Variants in NDST4 observed in about 807,000 individuals in gnomAD.
NDST4 encodes N-heparan sulfate sulfotransferase 4.
In NDST4, 63 loss-of-function variants were observed where a neutral mutation model predicts 100.8. That is an observed-to-expected ratio of 0.62 (90% CI 0.51 to 0.77). The LOEUF is 0.77. Ranked by LOEUF, NDST4 falls within the 30% of genes least tolerant of loss-of-function variation. NDST4 has a pLI of 0.00. For synonymous variants in NDST4, 377 were observed against 361.8 expected, an observed-to-expected ratio of 1.04 and a Z score of -0.48; for missense variants, 943 against 1,018.4, an observed-to-expected ratio of 0.93 and a Z score of 1.01.
chr4:114,840,253 C>A (rs2126183614), intron 10 of NDST4, among the ~76,000 whole-genome samples: 1 of 152,254 alleles, frequency 6.6e-6, no homozygotes, highest in African/African-American at 2.4e-5. Flanking sequence ...CTGAGTCACA[C>A]CAAACTATCA....
At chr4:115,079,072 A>G (rs1729249231) in intron 1 of NDST4, among the ~76,000 whole-genome samples, 1 of 151,796 alleles carries the variant, frequency 6.6e-6, no homozygotes. Context: ...CTACATTACT[A>G]CAGGCACGGT....
chr4:114,912,778 T>G (rs943856574), intron 6 of NDST4, among the ~76,000 whole-genome samples: 51 of 152,262 alleles, frequency 3.3e-4, no homozygotes, highest in East Asian at 2.9e-3. Flanking sequence ...CTTCACTGTT[T>G]GGGTCATTAG....
chr4:115,084,090 C>T (rs879474276), intron 1 of NDST4, among the ~76,000 whole-genome samples: 10 of 152,064 alleles, frequency 6.6e-5, no homozygotes, highest in South Asian at 2.1e-4. Flanking sequence ...AGAGATTTGT[C>T]GAATAGCTTT....
chr4:114,862,008 T>C (rs1723928596), intron 7 of NDST4, among the ~76,000 whole-genome samples: 1 of 152,188 alleles, frequency 6.6e-6, no homozygotes, highest in African/African-American at 2.4e-5. Flanking sequence ...TTATAGTTAA[T>C]AGTAATTCTA....
chr4:115,101,776 T>C (rs1729734839), intron 1 of NDST4, among the ~76,000 whole-genome samples: 1 of 152,072 alleles, frequency 6.6e-6, no homozygotes, highest in South Asian at 2.1e-4. Flanking sequence ...AAAGAGTTAA[T>C]AGGAATACAA....
chr4:114,919,188 G>T, intron 6 of NDST4, among the ~76,000 whole-genome samples: 1 of 152,122 alleles, frequency 6.6e-6, no homozygotes, highest in East Asian at 1.9e-4. Context: ...TATGCCATCG[G>T]TCTCTTCCCT....
intron 4 of NDST4, among the ~76,000 whole-genome samples, chr4:114,948,187 C>T (rs968787219): frequency 3.0e-4 from 46 of 151,864 alleles, no homozygotes; most frequent in Admixed American, 2.8e-3. Context: ...GGCATTTTCC[C>T]AACTTAATGT....
At chr4:114,937,197 G>A in intron 5 of NDST4, 121 bp downstream of exon 5, 1 of 979,384 alleles carries the variant, frequency 1.0e-6, no homozygotes, top group South Asian at 1.5e-5. Flanking sequence ...AGATATGTTA[G>A]GTATTTCTGA....
At position 115,076,222 on chromosome 4, in the gene NDST4, C is replaced by G; in HGVS notation, c.815G>C (p.Gly272Ala). ...LHDGIQRVLF[G>A]NNLNFWLHKL... ...GTGCAGCCAAAAGTTCAAGTTGTTG[C>G]CAAAAAGTACTCTCTGAATTCCATC... is the stretch of plus-strand genomic sequence containing the variant. Residue 272 changes from glycine (G) to alanine (A), a missense_variant, in exon 2 of 14, where the codon GGC becomes GCC. By Grantham distance (60) the Gly-to-Ala change is moderately conservative. Coordinates refer to ENST00000264363, the MANE Select transcript of NDST4 (RefSeq NM_022569.3). The G allele has an allele frequency of 1.2e-6, 2 of 1,613,894 alleles. No individual in the cohort carries two copies. Among genetic ancestry groups the G allele is most frequent in the Non-Finnish European group, 1.7e-6 (2 of 1,179,928 alleles).
chr4:114,842,381 A>G (rs1481134537), intron 10 of NDST4, among the ~76,000 whole-genome samples: 1 of 152,020 alleles, frequency 6.6e-6, no homozygotes, highest in Non-Finnish European at 1.5e-5. Flanking sequence ...GTCTACATTC[A>G]TCCCCTCTTC....
At chr4:114,844,579 T>C (rs1578339171) in intron 10 of NDST4, among the ~76,000 whole-genome samples, 1 of 152,372 alleles carries the variant, frequency 6.6e-6, no homozygotes, top group Middle Eastern at 3.4e-3. Context: ...TAATTTATTT[T>C]CTTACACAAT....
intron 6 of NDST4, among the ~76,000 whole-genome samples, chr4:114,917,197 G>A (rs982218346): frequency 1.3e-4 from 20 of 152,004 alleles, no homozygotes; most frequent in African/African-American, 3.1e-4. Flanking sequence ...TGTTATATTC[G>A]TATTGTTCCA....
chr4:114,894,511 C>T (rs143203284), intron 6 of NDST4, among the ~76,000 whole-genome samples: 59 of 152,006 alleles, frequency 3.9e-4, no homozygotes, highest in Non-Finnish European at 8.0e-4. Context: ...ATTGTGAATG[C>T]GAGTTCATTC....
intron 2 of NDST4, among the ~76,000 whole-genome samples, chr4:114,978,894 T>C (rs1464883269): frequency 6.6e-6 from 1 of 152,128 alleles, no homozygotes; most frequent in Non-Finnish European, 1.5e-5. Context: ...TGAAAATTTA[T>C]TTTATACTCT....
intron 7 of NDST4, among the ~76,000 whole-genome samples, chr4:114,866,509 CAGA>C (rs1724028984): frequency 1.3e-5 from 2 of 152,282 alleles, no homozygotes; most frequent in South Asian, 4.1e-4. Flanking sequence ...ATCTGAGAAA[CAGA>C]TGTGCCACTT....
chr4:114,985,746 C>G (rs1043532433), intron 2 of NDST4, among the ~76,000 whole-genome samples: 1 of 152,050 alleles, frequency 6.6e-6, no homozygotes, highest in African/African-American at 2.4e-5. Flanking sequence ...AATTTTAGTA[C>G]CATGCTATTA....
chr4:114,970,856 T>C (rs1251117370), intron 3 of NDST4, among the ~76,000 whole-genome samples: 2 of 152,186 alleles, frequency 1.3e-5, no homozygotes, highest in East Asian at 3.9e-4. Context: ...ATATATGTTA[T>C]ACCCTTATAT....
At chr4:114,954,722 C>T (rs1456168188) in intron 4 of NDST4, among the ~76,000 whole-genome samples, 1 of 151,948 alleles carries the variant, frequency 6.6e-6, no homozygotes, top group African/African-American at 2.4e-5. Flanking sequence ...TCTGTGTTCT[C>T]ACCAAATTGC....
In NDST4 at chr4:115,010,582, T is replaced by C. The variant is rs546792713; in HGVS notation, c.979-33308A>G. ...GGATAGCTTTAAGAGATATACCTTA[T>C]GCTAAATGACGAGTTAATGTGTGCA... On this transcript the variant is annotated intron_variant, in intron 2 of 13. Coordinates refer to ENST00000264363, the MANE Select transcript of NDST4 (RefSeq NM_022569.3). 1.6e-5 allele frequency among the ~76,000 whole-genome samples: 2 copies of C among 128,498 alleles called. 1 individual carries two copies. Among genetic ancestry groups the C allele is most frequent in the South Asian group, 6.1e-4 (2 of 3,294 alleles). 84.3% of individuals were successfully genotyped at this position (128,498 alleles called of 152,430 possible).
Sources: gnomAD v4.1 joint callset for allele counts (sites outside exome capture counted in the v4.1 genomes callset) on GRCh38, gnomAD v4.1.1 for gene constraint, MANE v1.5 for transcripts, NCBI Gene and HGNC (gene_info 2026-07-23, HGNC 2026-07-21) for gene names.